The following TMEM64 variants were observed in gnomAD, a reference collection of about 807,000 sequenced individuals.
TMEM64 encodes the protein transmembrane protein 64.
In TMEM64, 19 loss-of-function variants were observed where a neutral mutation model predicts 24.5. That is an observed-to-expected ratio of 0.78 (90% CI 0.54 to 1.14). The LOEUF is 1.14. Ranked by LOEUF, TMEM64 falls within the 50% of genes most tolerant of loss-of-function variation. The pLI is 0.00. For missense variants in TMEM64, 487 were observed against 493.0 expected (o/e 0.99, Z 0.12); for synonymous variants, 262 against 224.7 (o/e 1.17, Z -1.49).
At chr8:90,630,893 T>C (rs765349558) in intron 2 of TMEM64, among the ~76,000 whole-genome samples, 2 of 152,184 alleles carry the variant, frequency 1.3e-5, no homozygotes, top group African/African-American at 2.4e-5. Context: ...TGCATGCAAA[T>C]TTAAAGGCTC....
intron 1 of TMEM64, among the ~76,000 whole-genome samples, chr8:90,634,484 A>G (rs1039226971): frequency 6.6e-6 from 1 of 152,188 alleles, no homozygotes; most frequent in Non-Finnish European, 1.5e-5. Flanking sequence ...GTTCTTGGCC[A>G]TATTTATTCT....
At chr8:90,644,195 G>C (rs1266692823) in intron 1 of TMEM64, among the ~76,000 whole-genome samples, 2 of 152,170 alleles carry the variant, frequency 1.3e-5, no homozygotes, top group Non-Finnish European at 2.9e-5. Flanking sequence ...TAGAATCACT[G>C]AATTTGGGGA....
Position 90,645,785 on chromosome 8 carries a change from C to G in TMEM64, c.121G>C (p.Gly41Arg). 9.8e-6 allele frequency: 10 copies of G among 1,016,820 alleles called. No individual in the cohort carries two copies. Among genetic ancestry groups the G allele is most frequent in the Non-Finnish European group, 1.2e-5 (10 of 852,396 alleles). The allele number at this position is 1,016,820 out of a possible 1,614,324, so 63.0% of individuals were successfully genotyped here. A position where few individuals can be genotyped will look rare whatever the true frequency, so the allele number is the denominator to read the frequency against. The change falls in exon 1 of 3, where the codon GGC (glycine) becomes CGC (arginine). Residue 41 changes from glycine (G) to arginine (R), a missense_variant. Gly to Arg is a moderately radical substitution (Grantham distance 125, BLOSUM62 -2). Coordinates refer to ENST00000458549, the MANE Select transcript of TMEM64 (RefSeq NM_001008495.4). The surrounding 1 kb of genome is among the most constrained non-coding windows in gnomAD (Gnocchi z 4.2). ...CCGCGGGGAAGGCGGTCCGCCGGGC[C>G]GTCCCCGCCCGCACCCCGCGGCAGG... ...WALPRGAGGD[G>R]PADRLPRGGG...
chr8:90,645,772 C>T lies in TMEM64; in HGVS notation c.134G>A (p.Arg45His). The change falls in exon 1 of 3, where the codon CGC becomes CAC. Residue 45 changes from arginine to histidine, a missense_variant. By Grantham distance (29) the Arg-to-His change is conservative (BLOSUM62 0). Transcript: ENST00000458549. This position sits in a 1 kb window ranked among gnomAD's most constrained non-coding sequence, Gnocchi z 4.2. ...GCTCGCCCCGCCCCCGCGGGGAAGG[C>T]GGTCCGCCGGGCCGTCCCCGCCCGC... Reference protein sequence around the residue: ...RGAGGDGPADRLPRGGGASAA... With the variant: ...RGAGGDGPADHLPRGGGASAA... 1 of 1,024,568 alleles carries T rather than the reference C, an allele frequency of 9.8e-7. No individual in the cohort carries two copies. The highest frequency in any genetic ancestry group is 9.4e-5 in the East Asian group (1 of 10,648). The allele number at this position is 1,024,568 out of a possible 1,614,324, so 63.5% of individuals were successfully genotyped here.
intron 1 of TMEM64, among the ~76,000 whole-genome samples, chr8:90,635,489 A>G (rs1809505521): frequency 6.6e-6 from 1 of 151,992 alleles, no homozygotes; most frequent in African/African-American, 2.4e-5. Flanking sequence ...TAAAGTTGGC[A>G]GTACAGCTAG....
intron 1 of TMEM64, among the ~76,000 whole-genome samples, chr8:90,633,677 G>A (rs1809473824): frequency 1.3e-5 from 2 of 152,160 alleles, no homozygotes; most frequent in African/African-American, 4.8e-5. Context: ...GTGTCATACT[G>A]TTACCAACTG....
At chr8:90,632,487 T>G (rs1809453901) in intron 1 of TMEM64, among the ~76,000 whole-genome samples, 1 of 152,196 alleles carries the variant, frequency 6.6e-6, no homozygotes. Context: ...CATGCCCGGC[T>G]AATTTTTTGT....
rs1809297537 is a variant in TMEM64 at position 90,622,554 on chromosome 8, T to C, written c.*3117A>G. On this transcript the variant is annotated 3_prime_UTR_variant, in exon 3 of 3. Transcript: ENST00000458549. Reference sequence around the variant, plus strand: ...ACACACCTAGCAACTTTCTCAAGCATTCTAAAGATATCCCCAGAGCTAACA... The same window carrying C: ...ACACACCTAGCAACTTTCTCAAGCACTCTAAAGATATCCCCAGAGCTAACA... 2 of 152,230 alleles carry C rather than the reference T, an allele frequency of 1.3e-5. No homozygotes were observed. The highest frequency in any genetic ancestry group is 2.9e-5 in the Non-Finnish European group (2 of 68,052). The allele number at this position is 152,230 out of a possible 1,614,324, so 9.4% of individuals were successfully genotyped here.
At position 90,645,686 on chromosome 8, in the gene TMEM64, C is replaced by G. The variant is rs1198206719; in HGVS notation, c.220G>C (p.Gly74Arg). The change falls in exon 1 of 3, where the codon GGT becomes CGT. Residue 74 changes from glycine to arginine, a missense_variant. Gly to Arg is a moderately radical substitution (Grantham distance 125, BLOSUM62 -2). Around this residue, in one of 3 missense-constraint regions of TMEM64, gnomAD observed 419 missense variants for 407.5 expected, o/e 1.03. Transcript: ENST00000458549. The surrounding 1 kb of genome is among the most constrained non-coding windows in gnomAD (Gnocchi z 4.2). ...GGCAGCTCCGAAGCCTCGGGCGGAC[C>G]GTGGCGCTCCAGATAGGCGCCGAGC... ...ALLGAYLERH[G>R]PPEASELPEP... The G allele has an allele frequency of 1.1e-5, 16 of 1,474,652 alleles. No individual in the cohort carries two copies. The highest frequency in any genetic ancestry group is 2.7e-5 in the South Asian group (2 of 74,970). The allele number at this position is 1,474,652 out of a possible 1,614,324, so 91.3% of individuals were successfully genotyped here.
At chr8:90,644,991 C>T in intron 1 of TMEM64, 120 bp downstream of exon 1, 1 of 1,109,178 alleles carries the variant, frequency 9.0e-7, no homozygotes, top group Non-Finnish European at 1.3e-6. Context: ...GTAATCGTAA[C>T]TCCTGCCGTC....
At chr8:90,635,958 A>G (rs1247730528) in intron 1 of TMEM64, among the ~76,000 whole-genome samples, 3 of 152,196 alleles carry the variant, frequency 2.0e-5, no homozygotes, top group African/African-American at 7.2e-5. Context: ...CAAATTGGTA[A>G]TTTAAGAACA....
chr8:90,639,358 G>A (rs4446695), intron 1 of TMEM64, among the ~76,000 whole-genome samples: 1 of 151,954 alleles, frequency 6.6e-6, no homozygotes, highest in Non-Finnish European at 1.5e-5. Flanking sequence ...AGAATCTGGT[G>A]TAACCCCCCT....
At chr8:90,634,599 T>C (rs567617343) in intron 1 of TMEM64, among the ~76,000 whole-genome samples, 61 of 152,344 alleles carry the variant, frequency 4.0e-4, no homozygotes, top group African/African-American at 1.4e-3. Flanking sequence ...CAATATTAGG[T>C]ATTCTTATCC....
At chr8:90,634,979 G>C (rs1320532885) in intron 1 of TMEM64, among the ~76,000 whole-genome samples, 1 of 152,126 alleles carries the variant, frequency 6.6e-6, no homozygotes, top group African/African-American at 2.4e-5. Flanking sequence ...CTGCTGATTT[G>C]GAAAGAATAT....
chr8:90,641,455 A>G (rs937930569), intron 1 of TMEM64, among the ~76,000 whole-genome samples: 1 of 152,184 alleles, frequency 6.6e-6, no homozygotes, highest in Non-Finnish European at 1.5e-5. Flanking sequence ...CCCCTGCTCT[A>G]ACATCTGGGA....
intron 2 of TMEM64, among the ~76,000 whole-genome samples, chr8:90,626,287 G>A (rs1811517910): frequency 6.6e-6 from 1 of 152,178 alleles, no homozygotes; most frequent in Non-Finnish European, 1.5e-5. Context: ...CCCACTTAGT[G>A]AGAAGCACTA....
At chr8:90,637,280 T>C (rs1006612219) in intron 1 of TMEM64, among the ~76,000 whole-genome samples, 7 of 152,228 alleles carry the variant, frequency 4.6e-5, no homozygotes, top group Non-Finnish European at 8.8e-5. Flanking sequence ...CAAGCACAGC[T>C]CTCAGGAAAC....
chr8:90,643,671 C>T (rs1809642206), intron 1 of TMEM64, among the ~76,000 whole-genome samples: 1 of 152,168 alleles, frequency 6.6e-6, no homozygotes, highest in Non-Finnish European at 1.5e-5. Context: ...GTTCCTTAGC[C>T]CAACCTTCTT....
intron 1 of TMEM64, among the ~76,000 whole-genome samples, chr8:90,640,703 A>C (rs1238667842): frequency 6.6e-6 from 1 of 152,242 alleles, no homozygotes; most frequent in East Asian, 1.9e-4. Context: ...AAAGTAATTT[A>C]TCTTCTTGAT....
Sources: allele counts gnomAD v4.1 joint callset (sites outside exome capture counted in the v4.1 genomes callset), GRCh38; gene constraint gnomAD v4.1.1; regional missense constraint gnomAD v4.1.1; non-coding constraint Gnocchi (gnomAD v3.1); transcripts MANE v1.5; gene names NCBI Gene and HGNC (gene_info 2026-07-23, HGNC 2026-07-21).